The following BRD4 variants were observed in gnomAD, a reference collection of about 807,000 sequenced individuals.
BRD4 encodes bromodomain-containing protein 4.
BRD4 carries 16 observed loss-of-function variants against 142.1 expected under a neutral mutation model. That is an observed-to-expected ratio of 0.11 (90% CI 0.08 to 0.17). The LOEUF (loss-of-function observed/expected upper bound fraction) is 0.17, where lower values mean the gene tolerates loss of function less well. Among genes scored for constraint, BRD4 ranks in the 10% least tolerant of loss-of-function variants. The probability of loss-of-function intolerance (pLI) is 1.00; values close to 1 mark genes in which losing one functional copy is unlikely to be tolerated. For synonymous variants in BRD4, 833 were observed against 707.5 expected (o/e 1.18, Z -2.82); for missense variants, 1,424 against 1,810.9 (o/e 0.79, Z 3.88).
At position 15,310,213 on chromosome 19, in the gene BRD4, C is replaced by CTTTT. The variant is rs34519343; in HGVS notation, c.-35+22073_-35+22076dup. Reference sequence around the variant, plus strand: ...AGATCCAATCCATTTTTAAACAGTCCTTTTTTTTTTTTTTTTTTGAAAGAG... The same window carrying CTTTT: ...AGATCCAATCCATTTTTAAACAGTCCTTTTTTTTTTTTTTTTTTTTTTGAAAGAG... On this transcript the variant is annotated intron_variant, in intron 1 of 19. Coordinates refer to ENST00000679869, the MANE Select transcript of BRD4 (RefSeq NM_001379291.1). Among the ~76,000 whole-genome samples, 648 of 122,398 alleles carry CTTTT rather than the reference C, an allele frequency of 5.3e-3. 11 individuals are homozygous for CTTTT. Among genetic ancestry groups the CTTTT allele is most frequent in the Non-Finnish European group, 7.4e-3 (451 of 60,820 alleles). 80.3% of individuals were successfully genotyped at this position (122,398 alleles called of 152,430 possible).
At chr19:15,251,368 C>T (rs1379857254) in intron 11 of BRD4, among the ~76,000 whole-genome samples, 1 of 139,204 alleles carries the variant, frequency 7.2e-6, no homozygotes, top group Admixed American at 8.2e-5. Context: ...CGGAACTAAC[C>T]CCGTAGTATA....
Position 15,278,105 on chromosome 19 carries a change from C to CAAAAAAA in BRD4, c.-34-4979_-34-4973dup, listed in dbSNP as rs59204229. On this transcript the variant is annotated intron_variant, in intron 1 of 19. Coordinates refer to ENST00000679869, the MANE Select transcript of BRD4 (RefSeq NM_001379291.1). ...TGGGAGACAGAGCAAGACTCCGTCT[C>CAAAAAAA]AAAAAAAAAAAAAAAAAAAAAAAAA... Among the ~76,000 whole-genome samples the CAAAAAAA allele has an allele frequency of 7.4e-4, 41 of 55,042 alleles. 2 individuals carry two copies. The highest frequency in any genetic ancestry group is 1.6e-3 in the Admixed American group (5 of 3,102). The allele number at this position is 55,042 out of a possible 152,430, so 36.1% of individuals were successfully genotyped here.
At chr19:15,318,259 A>C (rs977404149) in intron 1 of BRD4, among the ~76,000 whole-genome samples, 3 of 152,128 alleles carry the variant, frequency 2.0e-5, no homozygotes, top group Non-Finnish European at 4.4e-5. Context: ...ATTGGCACAT[A>C]CAAGTTTAAT....
chr19:15,253,838 T>C lies in BRD4; in HGVS notation c.2158+314A>G. 3 of 1,449,278 alleles carry C rather than the reference T, an allele frequency of 2.1e-6. No individual in the cohort carries two copies. The South Asian group carries it at 3.7e-5, about 18-fold the overall frequency. The allele number at this position is 1,449,278 out of a possible 1,614,324, so 89.8% of individuals were successfully genotyped here. A position where few individuals can be genotyped will look rare whatever the true frequency, so the allele number is the denominator to read the frequency against. ...ACAGCCTGGACCCCCACGCCCACAG[T>C]CCTCATGGCCCAGCTTCCCCGCCCA... is the stretch of plus-strand genomic sequence containing the variant. On this transcript the variant is annotated intron_variant, in intron 11 of 19. Transcript: ENST00000679869.
chr19:15,238,771 C>T lies in BRD4; in HGVS notation c.3992G>A (p.Arg1331Gln). The T allele has an allele frequency of 1.9e-6, 3 of 1,570,006 alleles. No homozygotes were observed. The highest frequency in any genetic ancestry group is 1.2e-5 in the South Asian group (1 of 86,518). ...LDQQRELARK[R>Q]EQERRRREAM... ...TTCCCGGCGTCTTCGCTCCTGCTCCCGCTTCCGGGCCAACTCCCTCTGCTG... is the reference window on the plus strand; with the variant it reads ...TTCCCGGCGTCTTCGCTCCTGCTCCTGCTTCCGGGCCAACTCCCTCTGCTG... Residue 1331 changes from arginine (R) to glutamine (Q), a missense_variant, in exon 19 of 20, where the codon CGG (arginine) becomes CAG (glutamine). Arg to Gln is a conservative substitution (Grantham distance 43). Transcript: ENST00000679869. The surrounding 1 kb of genome is among the most constrained non-coding windows in gnomAD (Gnocchi z 7.2).
intron 1 of BRD4, among the ~76,000 whole-genome samples, chr19:15,292,563 G>A (rs1321211402): frequency 6.6e-6 from 1 of 152,064 alleles, no homozygotes; most frequent in Non-Finnish European, 1.5e-5. Context: ...CGGATCACGA[G>A]GTCAGGAGAT....
In BRD4 at chr19:15,280,647, A is replaced by G. The variant is rs1270064078; in HGVS notation, c.-34-7514T>C. On this transcript the variant is annotated intron_variant, in intron 1 of 19. Transcript: ENST00000679869. ...CAAGCAGTAAGATGCCTGAGGGGAC[A>G]TGGCTTAAATTTGTTTTATTCCATA... is the stretch of plus-strand genomic sequence containing the variant. Among the ~76,000 whole-genome samples the G allele has an allele frequency of 2.6e-5, 4 of 152,184 alleles. No homozygotes were observed. The East Asian group carries it at 7.7e-4, about 29-fold the overall frequency.
At chr19:15,242,177 G>C (rs1029360063) in intron 14 of BRD4, among the ~76,000 whole-genome samples, 1 of 152,070 alleles carries the variant, frequency 6.6e-6, no homozygotes, top group African/African-American at 2.4e-5. Flanking sequence ...TTGATTTGCA[G>C]GCAGCACCCG....
rs570809041 is a variant in BRD4, at chr19:15,286,133, C to T, written c.-34-13000G>A. ...CTTCCCACGCCTCTGTCCTATGGACCTAAGGCCAAAAGCCAGACAAAGGGG... is the reference window on the plus strand; with the variant it reads ...CTTCCCACGCCTCTGTCCTATGGACTTAAGGCCAAAAGCCAGACAAAGGGG... On this transcript the variant is annotated intron_variant, in intron 1 of 19. Coordinates refer to ENST00000679869, the MANE Select transcript of BRD4 (RefSeq NM_001379291.1). 4.6e-5 allele frequency among the ~76,000 whole-genome samples: 7 copies of T among 152,308 alleles called. No homozygotes were observed. In the East Asian group the frequency reaches 1.3e-3, roughly 29 times the overall value.
Position 15,246,849 on chromosome 19 carries a change from A to G in BRD4, c.2159-2087T>C, listed in dbSNP as rs1457727917. Among the ~76,000 whole-genome samples, 3 of 152,118 alleles carry G rather than the reference A, an allele frequency of 2.0e-5. No individual in the cohort carries two copies. The East Asian group carries it at 5.8e-4, about 29-fold the overall frequency. On this transcript the variant is annotated intron_variant, in intron 11 of 19. Coordinates refer to ENST00000679869, the MANE Select transcript of BRD4 (RefSeq NM_001379291.1). ...GCAGGCCTAAAAAGTGGGGGAGAGA[A>G]GGCGGCATGTGCACGGCAGACCCCC...
rs976358753 is a variant in BRD4, at chr19:15,301,142, C to G, written c.-34-28009G>C. On this transcript the variant is annotated intron_variant, in intron 1 of 19. Transcript: ENST00000679869. ...ACTCCCACTAAGTAGTCAGATGACT[C>G]TAATAAACTATGTTAACGAAAAGAA... Among the ~76,000 whole-genome samples, 7 of 152,180 alleles carry G rather than the reference C, an allele frequency of 4.6e-5. 1 individual carries two copies. The highest frequency in any genetic ancestry group is 8.8e-5 in the Non-Finnish European group (6 of 68,036).
intron 14 of BRD4, among the ~76,000 whole-genome samples, chr19:15,240,667 A>T (rs2047231526): frequency 6.6e-6 from 1 of 152,184 alleles, no homozygotes; most frequent in Non-Finnish European, 1.5e-5. Flanking sequence ...ACCTGCATCC[A>T]ACCCAAGGCT....
intron 7 of BRD4, among the ~76,000 whole-genome samples, chr19:15,261,255 G>A (rs2047467939): frequency 6.6e-6 from 1 of 152,200 alleles, no homozygotes; most frequent in Non-Finnish European, 1.5e-5. Context: ...GGGAGGCCCA[G>A]GCAGGCAGAT....
At chr19:15,296,576 G>C (rs574965751) in intron 1 of BRD4, among the ~76,000 whole-genome samples, 1 of 152,340 alleles carries the variant, frequency 6.6e-6, no homozygotes, top group East Asian at 1.9e-4. Flanking sequence ...CAGCCAGTGT[G>C]TCTTTAGAGA....
chr19:15,243,412 C>T lies in BRD4; in HGVS notation c.2657G>A (p.Arg886Gln), dbSNP rs758977685. ...CAAGGCTGGTGACACGGCTGGGGGCCGGGCGGGCTTGGGAGGCAGGGCAGC... is the reference window on the plus strand; with the variant it reads ...CAAGGCTGGTGACACGGCTGGGGGCTGGGCGGGCTTGGGAGGCAGGGCAGC... Reference protein sequence around the residue: ...RAAALPPKPARPPAVSPALTQ... With the variant: ...RAAALPPKPAQPPAVSPALTQ... Residue 886 changes from arginine to glutamine, a missense_variant, in exon 14 of 20, where the codon CGG (arginine) becomes CAG (glutamine). Around this residue, in one of 16 missense-constraint regions of BRD4, gnomAD observed 598 missense variants for 647.8 expected, o/e 0.92. Coordinates refer to ENST00000679869, the MANE Select transcript of BRD4 (RefSeq NM_001379291.1). 8.4e-6 allele frequency: 13 copies of T among 1,545,486 alleles called. No individual in the cohort carries two copies. The highest frequency in any genetic ancestry group is 2.0e-4 in the Middle Eastern group (1 of 4,886).
intron 1 of BRD4, among the ~76,000 whole-genome samples, chr19:15,297,452 C>G (rs1050286775): frequency 6.6e-6 from 1 of 152,210 alleles, no homozygotes; most frequent in Admixed American, 6.5e-5. Flanking sequence ...CGAACCCCCC[C>G]AAACCCTGGC....
intron 2 of BRD4, 53 bp downstream of exon 2, chr19:15,272,762 T>C: frequency 6.5e-7 from 1 of 1,542,446 alleles, no homozygotes; most frequent in Non-Finnish European, 8.8e-7. Flanking sequence ...CCAGGAGACA[T>C]GCAGGAGACG....
chr19:15,279,246 T>G (rs1172593611), intron 1 of BRD4, among the ~76,000 whole-genome samples: 1 of 152,228 alleles, frequency 6.6e-6, no homozygotes, highest in African/African-American at 2.4e-5. Context: ...AACTGTAATG[T>G]TTTATAACTC....
chr19:15,239,307 C>T lies in BRD4; in HGVS notation c.3577-43G>A, dbSNP rs769618538. The T allele has an allele frequency of 3.1e-6, 5 of 1,613,842 alleles. No homozygotes were observed. The highest frequency in any genetic ancestry group is 4.2e-6 in the Non-Finnish European group (5 of 1,179,934). On this transcript the variant is annotated intron_variant, in intron 17 of 19. Coordinates refer to ENST00000679869, the MANE Select transcript of BRD4 (RefSeq NM_001379291.1). This position sits in a 1 kb window ranked among gnomAD's most constrained non-coding sequence, Gnocchi z 7.4. ...TGGGGTGGGTGAGGGGTCTGCTGTG[C>T]CTAAAGGGCATAGCTGGGGGTGTGC... is the stretch of plus-strand genomic sequence containing the variant.
Sources: allele counts gnomAD v4.1 joint callset (sites outside exome capture counted in the v4.1 genomes callset), GRCh38; gene constraint gnomAD v4.1.1; regional missense constraint gnomAD v4.1.1; non-coding constraint Gnocchi (gnomAD v3.1); transcripts MANE v1.5; gene names NCBI Gene and HGNC (gene_info 2026-07-23, HGNC 2026-07-21).